Variants in ITGBL1 observed in about 807,000 individuals in gnomAD.
The protein encoded by ITGBL1 is integrin subunit beta like 1.
Under a neutral mutation model 68.5 loss-of-function variants are expected in ITGBL1, and 51 were observed. That is an observed-to-expected ratio of 0.74 (90% CI 0.59 to 0.94). ITGBL1 has a LOEUF of 0.94. Ranked by LOEUF, ITGBL1 falls within the 40% of genes least tolerant of loss-of-function variation. ITGBL1 has a pLI of 0.00. For synonymous variants in ITGBL1, 209 were observed against 227.3 expected (o/e 0.92, Z 0.72); for missense variants, 649 against 647.4 (o/e 1.00, Z -0.03).
At chr13:101,552,834 T>C (rs1402450483) in intron 2 of ITGBL1, among the ~76,000 whole-genome samples, 1 of 152,202 alleles carries the variant, frequency 6.6e-6, no homozygotes, top group Non-Finnish European at 1.5e-5. Flanking sequence ...GATCATAACA[T>C]TTGTAGATCA....
chr13:101,708,517 C>T (rs2034313364), intron 9 of ITGBL1, among the ~76,000 whole-genome samples: 1 of 152,144 alleles, frequency 6.6e-6, no homozygotes, highest in Non-Finnish European at 1.5e-5. Context: ...TGCCAAAGAA[C>T]CACACCAGTG....
At chr13:101,633,341 G>A (rs2032050663) in intron 7 of ITGBL1, among the ~76,000 whole-genome samples, 1 of 152,170 alleles carries the variant, frequency 6.6e-6, no homozygotes, top group African/African-American at 2.4e-5. Context: ...AGAAGGGTAT[G>A]CATATTGTTT....
chr13:101,657,734 A>G (rs1014164358), intron 7 of ITGBL1, among the ~76,000 whole-genome samples: 5 of 152,238 alleles, frequency 3.3e-5, no homozygotes, highest in Non-Finnish European at 5.9e-5. Flanking sequence ...TGAACACTAC[A>G]TGTTCCGTAA....
At chr13:101,619,681 G>A (rs2031507198) in intron 7 of ITGBL1, among the ~76,000 whole-genome samples, 2 of 152,100 alleles carry the variant, frequency 1.3e-5, no homozygotes, top group African/African-American at 4.8e-5. Context: ...GTGATCTTTG[G>A]ACATATTCTT....
chr13:101,515,400 TTAAG>T (rs1221539330), intron 2 of ITGBL1, among the ~76,000 whole-genome samples: 1 of 151,996 alleles, frequency 6.6e-6, no homozygotes, highest in Non-Finnish European at 1.5e-5. Context: ...TAGGGTTTCT[TTAAG>T]TGTGTGTTGG....
chr13:101,536,098 A>G (rs2049570856), intron 2 of ITGBL1, among the ~76,000 whole-genome samples: 1 of 151,640 alleles, frequency 6.6e-6, no homozygotes, highest in Admixed American at 6.6e-5. Context: ...ACATGTGCAC[A>G]TTGTGCAGGT....
chr13:101,642,746 T>C (rs1279079584), intron 7 of ITGBL1, among the ~76,000 whole-genome samples: 1 of 151,888 alleles, frequency 6.6e-6, no homozygotes, highest in Non-Finnish European at 1.5e-5. Flanking sequence ...TTGTATAAGG[T>C]GTAAGGAAGG....
intron 2 of ITGBL1, among the ~76,000 whole-genome samples, chr13:101,520,901 G>A (rs2139133243): frequency 6.6e-6 from 1 of 152,262 alleles, no homozygotes; most frequent in Non-Finnish European, 1.5e-5. Flanking sequence ...GAAGGAAGTG[G>A]TAATGAGTCA....
intron 7 of ITGBL1, among the ~76,000 whole-genome samples, chr13:101,680,460 G>A (rs563315981): frequency 3.3e-5 from 5 of 150,746 alleles, no homozygotes; most frequent in East Asian, 1.9e-4. Flanking sequence ...TGTGCCTACT[G>A]TTACCACACC....
At chr13:101,651,936 C>A (rs1269276984) in intron 7 of ITGBL1, among the ~76,000 whole-genome samples, 1 of 152,010 alleles carries the variant, frequency 6.6e-6, no homozygotes, top group Non-Finnish European at 1.5e-5. Context: ...GAGTTCTTTC[C>A]CCATTGCTTG....
intron 7 of ITGBL1, among the ~76,000 whole-genome samples, chr13:101,616,139 G>T (rs1016223804): frequency 6.6e-6 from 1 of 152,204 alleles, no homozygotes; most frequent in East Asian, 1.9e-4. Flanking sequence ...GGAGATATTT[G>T]AGGTGCTCTC....
chr13:101,470,338 T>A (rs1187838402), intron 2 of ITGBL1, among the ~76,000 whole-genome samples: 2 of 151,952 alleles, frequency 1.3e-5, no homozygotes, highest in Admixed American at 6.6e-5. Flanking sequence ...TTAATTTATT[T>A]TTTTTTTTTG....
chr13:101,705,578 TTTCTG>T (rs1205640570), intron 8 of ITGBL1, among the ~76,000 whole-genome samples: 1 of 151,930 alleles, frequency 6.6e-6, no homozygotes, highest in East Asian at 1.9e-4. Context: ...GTTAGAGGGA[TTTCTG>T]TAGAAATTAA....
At chr13:101,693,121 A>G (rs1037901972) in intron 8 of ITGBL1, among the ~76,000 whole-genome samples, 1 of 152,166 alleles carries the variant, frequency 6.6e-6, no homozygotes, top group Non-Finnish European at 1.5e-5. Context: ...AGATTCTATG[A>G]TGCCTCTCAT....
intron 2 of ITGBL1, among the ~76,000 whole-genome samples, chr13:101,515,365 C>A (rs1210066167): frequency 6.6e-6 from 1 of 151,380 alleles, no homozygotes; most frequent in Non-Finnish European, 1.5e-5. Flanking sequence ...TTTGATGGTA[C>A]ACAAAACTTT....
chr13:101,567,492 T>C (rs905992078), intron 2 of ITGBL1, among the ~76,000 whole-genome samples: 4 of 152,176 alleles, frequency 2.6e-5, no homozygotes, highest in African/African-American at 9.6e-5. Flanking sequence ...AATGTTTTTA[T>C]AATTTATCGG....
chr13:101,567,797 A>G lies in ITGBL1; in HGVS notation c.415A>G (p.Ser139Gly). ...TAACTGTGACTTGACAAAGAAGAAA[A>G]GTAACCAAATGTGCAAGAATTCACA... ...PTNCDLTKKK[S>G]NQMCKNSQDI... is the part of the protein sequence containing the mutation. Residue 139 changes from serine to glycine, a missense_variant, in exon 3 of 11, where the codon AGT becomes GGT. Transcript: ENST00000376180. The G allele has an allele frequency of 1.2e-6, 2 of 1,613,404 alleles. No homozygotes were observed. Among genetic ancestry groups the G allele is most frequent in the Non-Finnish European group, 1.7e-6 (2 of 1,179,532 alleles).
chr13:101,647,528 G>A (rs1160350102), intron 7 of ITGBL1, among the ~76,000 whole-genome samples: 1 of 152,166 alleles, frequency 6.6e-6, no homozygotes, highest in Non-Finnish European at 1.5e-5. Flanking sequence ...TGCCGTTAAG[G>A]CAGCCAGTGC....
chr13:101,613,861 A>C (rs2031240838), intron 7 of ITGBL1, among the ~76,000 whole-genome samples: 1 of 152,074 alleles, frequency 6.6e-6, no homozygotes. Context: ...AAGACTCACC[A>C]CTCTGCAGGG....
Sources: allele counts gnomAD v4.1 joint callset (sites outside exome capture counted in the v4.1 genomes callset), GRCh38; gene constraint gnomAD v4.1.1; transcripts MANE v1.5; gene names NCBI Gene and HGNC (gene_info 2026-07-23, HGNC 2026-07-21).